CACNA1S: variants seen among roughly 807,000 people sequenced by gnomAD.
CACNA1S encodes the protein voltage-dependent L-type calcium channel subunit alpha-1S.
A neutral mutation model predicts 207.4 loss-of-function variants in CACNA1S; 126 were observed. The observed-to-expected ratio is 0.61, with a 90% confidence interval of 0.53 to 0.70. The LOEUF is 0.70. Among genes scored for constraint, CACNA1S ranks in the 30% least tolerant of loss-of-function variants. The pLI is 0.00. For missense variants in CACNA1S, 2,349 were observed against 2,422.8 expected (o/e 0.97, Z 0.64); for synonymous variants, 960 against 932.7 (o/e 1.03, Z -0.53).
At chr1:201,101,484 G>T (rs2102178323) in intron 2 of CACNA1S, among the ~76,000 whole-genome samples, 1 of 152,360 alleles carries the variant, frequency 6.6e-6, no homozygotes, top group African/African-American at 2.4e-5. Flanking sequence ...AAAACGTTTA[G>T]CAACTTTGAC....
intron 6 of CACNA1S, 35 bp downstream of exon 6, chr1:201,089,223 G>A (rs1185051143): frequency 6.2e-7 from 1 of 1,601,652 alleles, no homozygotes; most frequent in Non-Finnish European, 8.6e-7. Flanking sequence ...TGTGGATGAA[G>A]GGAGATGGTT....
At chr1:201,081,705 C>T in intron 10 of CACNA1S, among the ~76,000 whole-genome samples, 1 of 151,144 alleles carries the variant, frequency 6.6e-6, no homozygotes, top group East Asian at 2.0e-4. Flanking sequence ...GAGCTGGGGC[C>T]TGGTGGGGGG....
At position 201,069,471 on chromosome 1, in the gene CACNA1S, C is replaced by CCTGAT; in HGVS notation, c.2486_2490dup (p.Leu832ArgfsTer22). On this transcript the variant is annotated frameshift_variant and splice_region_variant. Coordinates refer to ENST00000362061, the MANE Select transcript of CACNA1S (RefSeq NM_000069.3). LOFTEE classifies it high-confidence loss of function. ...GTGGCAGAGAGGGTGAAGCCCGTCA[C>CCTGAT]CTGATTTCTCATGGAATCAGCCCGG... 6 of 1,605,832 alleles carry CCTGAT rather than the reference C, an allele frequency of 3.7e-6. No homozygotes were observed. Among genetic ancestry groups the CCTGAT allele is most frequent in the Non-Finnish European group, 5.1e-6 (6 of 1,177,300 alleles).
At position 201,061,924 on chromosome 1, in the gene CACNA1S, A is replaced by G; in HGVS notation, c.3053+20T>C. On this transcript the variant is annotated intron_variant, in intron 24 of 43. Transcript: ENST00000362061. ...ACCTGACCATGTCCATGAGGGACCT[A>G]GGCCCCAGCCATCACTCACTGAGGC... is the stretch of plus-strand genomic sequence containing the variant. 6.2e-7 allele frequency: 1 copy of G among 1,613,936 alleles called. No individual in the cohort carries two copies. Among genetic ancestry groups the G allele is most frequent in the Non-Finnish European group, 8.5e-7 (1 of 1,179,858 alleles).
chr1:201,060,628 T>C (rs1259503830), intron 26 of CACNA1S, 30 bp downstream of exon 26: 1 of 1,611,644 alleles, frequency 6.2e-7, no homozygotes, highest in African/African-American at 1.3e-5. Context: ...CCCAGTCTGA[T>C]CAGACATTTT....
chr1:201,096,605 G>C (rs766382719), intron 2 of CACNA1S, among the ~76,000 whole-genome samples: 5 of 152,180 alleles, frequency 3.3e-5, no homozygotes, highest in Non-Finnish European at 7.3e-5. Context: ...GAAGATGTAT[G>C]GTGTGACGGT....
At chr1:201,108,202 C>T (rs931961184) in intron 2 of CACNA1S, among the ~76,000 whole-genome samples, 2 of 151,428 alleles carry the variant, frequency 1.3e-5, no homozygotes, top group East Asian at 2.0e-4. Flanking sequence ...ACCTCCCAGG[C>T]TCAAGCAATC....
rs757569333 is a variant in CACNA1S at position 201,085,556 on chromosome 1, C to G, written c.1030G>C (p.Ala344Pro). 6.2e-7 allele frequency: 1 copy of G among 1,613,672 alleles called. No homozygotes were observed. Among genetic ancestry groups the G allele is most frequent in the Non-Finnish European group, 8.5e-7 (1 of 1,179,960 alleles). Residue 344 changes from alanine (A) to proline (P), a missense_variant, in exon 8 of 44, where the codon GCC becomes CCC. By Grantham distance (27) the Ala-to-Pro change is conservative. Coordinates refer to ENST00000362061, the MANE Select transcript of CACNA1S (RefSeq NM_000069.3). ...TTCTGGAAGGTTCCCCTGGACTTGGCCTTCTCCCGCTCCTTGGTGAATTCC... is the reference window on the plus strand; with the variant it reads ...TTCTGGAAGGTTCCCCTGGACTTGGGCTTCTCCCGCTCCTTGGTGAATTCC... ...SGEFTKEREK[A>P]KSRGTFQKLR...
intron 2 of CACNA1S, among the ~76,000 whole-genome samples, chr1:201,098,808 A>G (rs982037281): frequency 4.6e-5 from 7 of 152,004 alleles, no homozygotes; most frequent in Non-Finnish European, 7.4e-5. Flanking sequence ...GTGAGGTGAG[A>G]GCTCCCTTAC....
chr1:201,052,526 G>A (rs780637463), intron 32 of CACNA1S, 31 bp downstream of exon 32: 1 of 1,542,466 alleles, frequency 6.5e-7, no homozygotes, highest in Non-Finnish European at 9.0e-7. Flanking sequence ...TGGTCAGCGG[G>A]GTAGGGGTGG....
chr1:201,089,590 A>G lies in CACNA1S; in HGVS notation c.695-127T>C, dbSNP rs181404275. 463 of 906,796 alleles carry G rather than the reference A, an allele frequency of 5.1e-4. 2 individuals are homozygous for G. Among genetic ancestry groups the G allele is most frequent in the Non-Finnish European group, 7.4e-4 (427 of 574,326 alleles). The allele number at this position is 906,796 out of a possible 1,614,324, so 56.2% of individuals were successfully genotyped here. A position where few individuals can be genotyped will look rare whatever the true frequency, so the allele number is the denominator to read the frequency against. ...CTAAAGACACTCTGCTGAAAATGCA[A>G]AAGACAGCTTCACATGGAGCAGACG... On this transcript the variant is annotated intron_variant, in intron 5 of 43. Transcript: ENST00000362061.
At position 201,077,814 on chromosome 1, in the gene CACNA1S, G is replaced by A. The variant is rs974206429; in HGVS notation, c.1619+65C>T. On this transcript the variant is annotated intron_variant, in intron 11 of 43. Transcript: ENST00000362061. ...CCAGACCTCAGGAAATGAGATGGGT[G>A]TAGACCAGACCAGCCCGTGGTGCCT... 7.1e-6 allele frequency: 8 copies of A among 1,121,322 alleles called. No homozygotes were observed. The African/African-American group carries it at 9.1e-5, about 13-fold the overall frequency. 69.5% of individuals were successfully genotyped at this position (1,121,322 alleles called of 1,614,324 possible).
chr1:201,063,536 G>A (rs542124728), intron 22 of CACNA1S, among the ~76,000 whole-genome samples: 1 of 152,096 alleles, frequency 6.6e-6, no homozygotes, highest in Non-Finnish European at 1.5e-5. Flanking sequence ...TGATCCGCCC[G>A]CCTCGGCTTC....
In CACNA1S at chr1:201,039,812, T is replaced by G; in HGVS notation, c.*19A>C. Reference sequence around the variant, plus strand: ...ATTGGTCATGCCAGCTCTAAGCCCATGCTGATGCTGTGTGGGCATCACAGC... The same window carrying G: ...ATTGGTCATGCCAGCTCTAAGCCCAGGCTGATGCTGTGTGGGCATCACAGC... On this transcript the variant is annotated 3_prime_UTR_variant, in exon 44 of 44. Coordinates refer to ENST00000362061, the MANE Select transcript of CACNA1S (RefSeq NM_000069.3). 6.2e-7 allele frequency: 1 copy of G among 1,601,482 alleles called. No individual in the cohort carries two copies. The highest frequency in any genetic ancestry group is 1.1e-5 in the South Asian group (1 of 91,088).
At chr1:201,100,137 G>A (rs1572069217) in intron 2 of CACNA1S, among the ~76,000 whole-genome samples, 1 of 152,258 alleles carries the variant, frequency 6.6e-6, no homozygotes, top group South Asian at 2.1e-4. Flanking sequence ...AGAGGGATAT[G>A]TGCTCAGGAT....
At chr1:201,086,320 A>T (rs1159874973) in intron 7 of CACNA1S, among the ~76,000 whole-genome samples, 1 of 152,244 alleles carries the variant, frequency 6.6e-6, no homozygotes, top group African/African-American at 2.4e-5. Flanking sequence ...ATAATGTGAA[A>T]TGCACAAAAT....
chr1:201,103,723 G>A (rs889489129), intron 2 of CACNA1S, among the ~76,000 whole-genome samples: 3 of 152,204 alleles, frequency 2.0e-5, no homozygotes, highest in Admixed American at 6.5e-5. Context: ...CCAGAGCTGC[G>A]GTCCTTCTGA....
intron 22 of CACNA1S, among the ~76,000 whole-genome samples, chr1:201,063,410 C>T (rs12406017): frequency 0.11 from 16,929 of 151,698 alleles, 1,284 homozygotes; most frequent in African/African-American, 0.21. Flanking sequence ...TGGCCTCAGC[C>T]TCCTGAGTAC....
chr1:201,047,504 G>GT, intron 37 of CACNA1S, 21 bp downstream of exon 37: 1 of 1,591,508 alleles, frequency 6.3e-7, no homozygotes, highest in Non-Finnish European at 8.6e-7. Flanking sequence ...CTGGACTCTG[G>GT]TCCCCCAAAG....
Sources: gnomAD v4.1 joint callset for allele counts (sites outside exome capture counted in the v4.1 genomes callset) on GRCh38, gnomAD v4.1.1 for gene constraint, MANE v1.5 for transcripts, NCBI Gene and HGNC (gene_info 2026-07-23, HGNC 2026-07-21) for gene names.